Variants in CADM2 observed in about 807,000 individuals in gnomAD.
CADM2 encodes immunoglobulin superfamily member 4D.
Under a neutral mutation model 49.8 loss-of-function variants are expected in CADM2, and 12 were observed. The observed-to-expected ratio is 0.24, with a 90% CI of 0.15 to 0.39. The LOEUF is 0.39. Ranked by LOEUF, CADM2 falls within the 10% of genes least tolerant of loss-of-function variation. The pLI, the probability that CADM2 is intolerant of heterozygous loss-of-function variation, is 1.00. For missense variants in CADM2, 378 were observed against 492.3 expected (o/e 0.77, Z 2.20); for synonymous variants, 214 against 175.4 (o/e 1.22, Z -1.74).
chr3:85,692,057 A>G (rs1178523134), intron 1 of CADM2, among the ~76,000 whole-genome samples: 2 of 152,218 alleles, frequency 1.3e-5, no homozygotes, highest in African/African-American at 4.8e-5. Context: ...GCACACCAAC[A>G]TGGCACATGT....
At chr3:85,915,679 G>T (rs762975397) in intron 6 of CADM2, among the ~76,000 whole-genome samples, 6 of 152,084 alleles carry the variant, frequency 3.9e-5, no homozygotes, top group Admixed American at 6.6e-5. Context: ...AAGGAGGAAA[G>T]AAGAGCTCAG....
chr3:85,248,505 A>G (rs1286137674), intron 1 of CADM2, among the ~76,000 whole-genome samples: 1 of 152,192 alleles, frequency 6.6e-6, no homozygotes, highest in Non-Finnish European at 1.5e-5. Context: ...TGAACTCCTG[A>G]GATCAGGCAA....
At position 85,429,988 on chromosome 3, in the gene CADM2, A is replaced by G. The variant is rs559422386; in HGVS notation, c.62-296534A>G. Among the ~76,000 whole-genome samples the G allele has an allele frequency of 1.2e-3, 176 of 152,324 alleles. 3 individuals carry two copies. The highest frequency in any genetic ancestry group is 4.0e-3 in the African/African-American group (165 of 41,594). On this transcript the variant is annotated intron_variant, in intron 1 of 9. Coordinates refer to ENST00000383699, the MANE Select transcript of CADM2 (RefSeq NM_001167675.2). Reference sequence around the variant, plus strand: ...GGTGATCAAAGTGAACAAATTATGCATAGGTTGCTTTGTAAATAACGGGAT... The same window carrying G: ...GGTGATCAAAGTGAACAAATTATGCGTAGGTTGCTTTGTAAATAACGGGAT...
chr3:85,639,987 T>C (rs1208119730), intron 1 of CADM2, among the ~76,000 whole-genome samples: 1 of 152,200 alleles, frequency 6.6e-6, no homozygotes, highest in Non-Finnish European at 1.5e-5. Flanking sequence ...ATCAGTTTTA[T>C]TTATTACCAT....
intron 1 of CADM2, among the ~76,000 whole-genome samples, chr3:85,094,266 A>T (rs1264025084): frequency 6.6e-6 from 1 of 152,144 alleles, no homozygotes; most frequent in Non-Finnish European, 1.5e-5. Flanking sequence ...ATACCTTTAT[A>T]ATAATAATTA....
chr3:85,406,579 A>G (rs2035388615), intron 1 of CADM2, among the ~76,000 whole-genome samples: 1 of 152,162 alleles, frequency 6.6e-6, no homozygotes. Context: ...TTAATTGCTT[A>G]GTTGAGTTCT....
chr3:85,574,074 G>T (rs1408978975), intron 1 of CADM2, among the ~76,000 whole-genome samples: 1 of 152,090 alleles, frequency 6.6e-6, no homozygotes, highest in African/African-American at 2.4e-5. Context: ...ACTTTACCTA[G>T]TACCCTTAGC....
At chr3:85,265,652 T>C (rs756938171) in intron 1 of CADM2, among the ~76,000 whole-genome samples, 1 of 152,042 alleles carries the variant, frequency 6.6e-6, no homozygotes, top group Non-Finnish European at 1.5e-5. Context: ...GCTTTGGGGA[T>C]TAAATTCCCA....
intron 2 of CADM2, among the ~76,000 whole-genome samples, chr3:85,800,647 T>TCA (rs2071958978): frequency 6.6e-6 from 1 of 152,172 alleles, no homozygotes; most frequent in Non-Finnish European, 1.5e-5. Flanking sequence ...ATGGCTTCTC[T>TCA]TATTTAGGGG....
At chr3:85,200,153 T>A (rs1576102342) in intron 1 of CADM2, among the ~76,000 whole-genome samples, 1 of 152,090 alleles carries the variant, frequency 6.6e-6, no homozygotes, top group African/African-American at 2.4e-5. Flanking sequence ...GTTTCTACTT[T>A]CTTAAAAATT....
intron 1 of CADM2, among the ~76,000 whole-genome samples, chr3:85,645,892 C>A (rs529644894): frequency 2.6e-5 from 4 of 152,074 alleles, no homozygotes; most frequent in Non-Finnish European, 5.9e-5. Context: ...AAATAATTCT[C>A]AAAGTGGAAC....
chr3:85,519,889 C>A (rs2060991459), intron 1 of CADM2, among the ~76,000 whole-genome samples: 1 of 151,940 alleles, frequency 6.6e-6, no homozygotes, highest in African/African-American at 2.4e-5. Flanking sequence ...TTTATACCCA[C>A]CGAATTTGTA....
rs778739689 is a variant in CADM2 at position 86,071,179 on chromosome 3, C to A, written c.*4396C>A. The A allele has an allele frequency of 6.6e-6, 1 of 151,818 alleles. No homozygotes were observed. The highest frequency in any genetic ancestry group is 2.1e-4 in the South Asian group (1 of 4,828). The allele number at this position is 151,818 out of a possible 1,614,324, so 9.4% of individuals were successfully genotyped here. A position where few individuals can be genotyped will look rare whatever the true frequency, so the allele number is the denominator to read the frequency against. ...TTCATATCTCATTGAATTGGGAATT[C>A]TTCAATTTTGTTTGAAATGTGTGCA... On this transcript the variant is annotated 3_prime_UTR_variant, in exon 10 of 10. Transcript: ENST00000383699.
chr3:85,823,810 A>G (rs973477999), intron 3 of CADM2, among the ~76,000 whole-genome samples: 1 of 152,164 alleles, frequency 6.6e-6, no homozygotes, highest in Non-Finnish European at 1.5e-5. Context: ...GTTTATAGCT[A>G]TGCGTCAACA....
chr3:85,473,515 G>A (rs982090949), intron 1 of CADM2, among the ~76,000 whole-genome samples: 2 of 152,000 alleles, frequency 1.3e-5, no homozygotes, highest in South Asian at 2.1e-4. Flanking sequence ...TTCTGGAAGC[G>A]CTTTGCTTTG....
At chr3:84,984,356 T>TAAAAAAAAAAAAAAAAAA (rs375702349) in intron 1 of CADM2, among the ~76,000 whole-genome samples, 2 of 67,064 alleles carry the variant, frequency 3.0e-5, no homozygotes, top group African/African-American at 1.5e-4. Context: ...AAGATTAAGC[T>TAAAAAAAAAAAAAAAAAA]AAAAAAAAAA....
chr3:85,105,048 T>A (rs1015675002), intron 1 of CADM2, among the ~76,000 whole-genome samples: 1 of 152,112 alleles, frequency 6.6e-6, no homozygotes, highest in Non-Finnish European at 1.5e-5. Context: ...TTTTCCTAGT[T>A]GAATAGCCTT....
At chr3:85,604,555 G>A (rs2063498995) in intron 1 of CADM2, among the ~76,000 whole-genome samples, 1 of 151,962 alleles carries the variant, frequency 6.6e-6, no homozygotes, top group Non-Finnish European at 1.5e-5. Flanking sequence ...ACACAACAAT[G>A]AACTAGGTGC....
chr3:85,218,038 G>T (rs1228702418), intron 1 of CADM2, among the ~76,000 whole-genome samples: 1 of 151,810 alleles, frequency 6.6e-6, no homozygotes, highest in Non-Finnish European at 1.5e-5. Flanking sequence ...AATGCTTTTT[G>T]TAATCAATTA....
Sources: allele counts gnomAD v4.1 joint callset (sites outside exome capture counted in the v4.1 genomes callset), GRCh38; gene constraint gnomAD v4.1.1; transcripts MANE v1.5; gene names NCBI Gene and HGNC (gene_info 2026-07-23, HGNC 2026-07-21).